Variants in SFT2D2 observed in about 807,000 individuals in gnomAD.
SFT2D2 encodes the protein SFT2 domain containing 2, also known as vesicle transport protein SFT2B.
Under a neutral mutation model 27.4 loss-of-function variants are expected in SFT2D2, and 21 were observed. The observed-to-expected ratio is 0.77, with a 90% CI of 0.54 to 1.10. SFT2D2 has a LOEUF of 1.10. Among genes scored for constraint, SFT2D2 ranks in the 50% least tolerant of loss-of-function variants. SFT2D2 has a pLI of 0.00. For synonymous variants in SFT2D2, 72 were observed against 71.7 expected (o/e 1.00, Z -0.02); for missense variants, 187 against 194.2 (o/e 0.96, Z 0.22).
chr1:168,237,069 A>G lies in SFT2D2; in HGVS notation c.413+299A>G, dbSNP rs187800838. Among the ~76,000 whole-genome samples the G allele has an allele frequency of 5.9e-5, 9 of 152,328 alleles. No homozygotes were observed. The East Asian group carries it at 1.7e-3, about 29-fold the overall frequency. On this transcript the variant is annotated intron_variant, in intron 6 of 7. Coordinates refer to ENST00000271375, the MANE Select transcript of SFT2D2 (RefSeq NM_199344.3). ...GAGATGTTACAAATATTATTAAGCC[A>G]CTCATGTCCGGTAAGTGCAAGGACA...
intron 1 of SFT2D2, among the ~76,000 whole-genome samples, chr1:168,226,660 C>T (rs1326930706): frequency 1.3e-5 from 2 of 152,118 alleles, no homozygotes; most frequent in Non-Finnish European, 2.9e-5. Flanking sequence ...CCCACCCGCC[C>T]CTGTACACAT....
chr1:168,226,253 T>C, intron 1 of SFT2D2, 111 bp downstream of exon 1: 4 of 908,806 alleles, frequency 4.4e-6, no homozygotes, highest in Non-Finnish European at 6.4e-6. Flanking sequence ...ACGGTAGCTC[T>C]GCCCCTTCTC....
intron 3 of SFT2D2, among the ~76,000 whole-genome samples, chr1:168,232,659 G>T (rs1355490224): frequency 6.6e-6 from 1 of 152,020 alleles, no homozygotes; most frequent in Non-Finnish European, 1.5e-5. Flanking sequence ...CTTCCTCTTT[G>T]TCCCCATGGC....
intron 6 of SFT2D2, among the ~76,000 whole-genome samples, chr1:168,238,668 C>T (rs887128259): frequency 1.3e-5 from 2 of 151,346 alleles, no homozygotes; most frequent in African/African-American, 2.4e-5. Context: ...TATATTCCAG[C>T]AGCCTAGGTG....
At chr1:168,226,192 C>T (rs1700456935) in intron 1 of SFT2D2, 50 bp downstream of exon 1, 25 of 1,491,956 alleles carry the variant, frequency 1.7e-5, no homozygotes, top group East Asian at 2.7e-5. Context: ...TCCCGCCCTG[C>T]GTCCCCTGCC....
chr1:168,232,845 G>A (rs546985288), intron 3 of SFT2D2, among the ~76,000 whole-genome samples: 2 of 152,302 alleles, frequency 1.3e-5, no homozygotes, highest in East Asian at 1.9e-4. Flanking sequence ...CAGCCGACAC[G>A]ACCTGAGTCA....
chr1:168,236,546 G>T, intron 4 of SFT2D2, 43 bp from the exon 5 acceptor site: 2 of 1,564,760 alleles, frequency 1.3e-6, no homozygotes, highest in Admixed American at 1.8e-5. Context: ...TTTTTTTCCT[G>T]CCATGTTATT....
chr1:168,227,665 C>G (rs886697964), intron 1 of SFT2D2, among the ~76,000 whole-genome samples: 2 of 151,992 alleles, frequency 1.3e-5, no homozygotes, highest in African/African-American at 4.8e-5. Context: ...TTATGAATCT[C>G]AAGTGGAACC....
intron 3 of SFT2D2, among the ~76,000 whole-genome samples, chr1:168,233,960 G>A (rs1166981114): frequency 6.6e-6 from 1 of 152,194 alleles, no homozygotes; most frequent in Non-Finnish European, 1.5e-5. Context: ...TGAGAGTGAA[G>A]CCTTGCAACT....
rs1647512486 is a variant in SFT2D2 at position 168,236,697 on chromosome 1, T to C, written c.355-15T>C. 6 of 1,613,944 alleles carry C rather than the reference T, an allele frequency of 3.7e-6. No individual in the cohort carries two copies. Among genetic ancestry groups the C allele is most frequent in the Non-Finnish European group, 5.1e-6 (6 of 1,180,006 alleles). ...TGTCTCACACTCTCCTATAACCATA[T>C]TATTATTTTTCCAGTGGCATAACAA... On this transcript the variant is annotated splice_polypyrimidine_tract_variant and intron_variant, in intron 5 of 7. Coordinates refer to ENST00000271375, the MANE Select transcript of SFT2D2 (RefSeq NM_199344.3).
At chr1:168,231,647 C>T (rs1647316908) in intron 2 of SFT2D2, 47 bp downstream of exon 2, 2 of 1,570,526 alleles carry the variant, frequency 1.3e-6, no homozygotes, top group Admixed American at 3.3e-5. Context: ...CCTGTCTTTG[C>T]TATATATTCC....
At position 168,239,054 on chromosome 1, in the gene SFT2D2, G is replaced by A. The variant is rs1647579499; in HGVS notation, c.414-77G>A. The A allele has an allele frequency of 1.2e-5, 13 of 1,105,284 alleles. No homozygotes were observed. The South Asian group carries it at 1.6e-4, about 14-fold the overall frequency. The allele number at this position is 1,105,284 out of a possible 1,614,324, so 68.5% of individuals were successfully genotyped here. A position where few individuals can be genotyped will look rare whatever the true frequency, so the allele number is the denominator to read the frequency against. ...ATAGATCACTGCAGGTATTCTTACA[G>A]CTCAGAAGCCCATTCTGCTGGATAA... is the stretch of plus-strand genomic sequence containing the variant. On this transcript the variant is annotated intron_variant, in intron 6 of 7. Coordinates refer to ENST00000271375, the MANE Select transcript of SFT2D2 (RefSeq NM_199344.3).
chr1:168,231,133 G>T (rs1034079003), intron 1 of SFT2D2, among the ~76,000 whole-genome samples: 18 of 152,162 alleles, frequency 1.2e-4, no homozygotes, highest in African/African-American at 4.3e-4. Flanking sequence ...AGGTGGACTT[G>T]TGAGTCCCTG....
Position 168,246,688 on chromosome 1 carries a change from A to G in SFT2D2, c.*4148A>G, listed in dbSNP as rs768595608. 8.9e-7 allele frequency: 1 copy of G among 1,119,892 alleles called. No individual in the cohort carries two copies. 69.4% of individuals were successfully genotyped at this position (1,119,892 alleles called of 1,614,324 possible). On this transcript the variant is annotated 3_prime_UTR_variant, in exon 8 of 8. Transcript: ENST00000271375. ...ATCATGATCATGTAGAGCAACATTC[A>G]GTCTACGATGGTATGATTCCATTTC...
At position 168,231,615 on chromosome 1, in the gene SFT2D2, C is replaced by T; in HGVS notation, c.150+15C>T. 1.9e-6 allele frequency: 3 copies of T among 1,610,402 alleles called. No homozygotes were observed. Among genetic ancestry groups the T allele is most frequent in the Non-Finnish European group, 2.5e-6 (3 of 1,176,888 alleles). On this transcript the variant is annotated intron_variant, in intron 2 of 7. Transcript: ENST00000271375. ...GCTCACTGCTGGTAAGATTTCCCTT[C>T]CTCCTCTGTCTTTTCCTTCTACCTG...
Position 168,249,891 on chromosome 1 carries a change from GTGAAT to G in SFT2D2, c.*7352_*7356del, listed in dbSNP as rs1647911750. The stretch of plus-strand genomic sequence containing the variant: ...TAACTGACAACTTTGGAAGATGAGA[GTGAAT>G]GTCTCCGATCATTAATTTATTTAAC... On this transcript the variant is annotated 3_prime_UTR_variant, in exon 8 of 8. Coordinates refer to ENST00000271375, the MANE Select transcript of SFT2D2 (RefSeq NM_199344.3). 1.3e-5 allele frequency: 2 copies of G among 152,194 alleles called. No homozygotes were observed. The highest frequency in any genetic ancestry group is 2.9e-5 in the Non-Finnish European group (2 of 68,042). The allele number at this position is 152,194 out of a possible 1,614,324, so 9.4% of individuals were successfully genotyped here.
At chr1:168,227,747 A>G (rs1309354679) in intron 1 of SFT2D2, among the ~76,000 whole-genome samples, 3 of 152,060 alleles carry the variant, frequency 2.0e-5, no homozygotes, top group Admixed American at 6.6e-5. Context: ...ATTTCCATAG[A>G]CTGTCAACAA....
At chr1:168,238,816 T>C (rs1047147684) in intron 6 of SFT2D2, among the ~76,000 whole-genome samples, 2 of 152,198 alleles carry the variant, frequency 1.3e-5, no homozygotes, top group African/African-American at 4.8e-5. Context: ...AATCTGACTG[T>C]TTAAGGTGAT....
At chr1:168,234,534 T>A (rs1647434065) in intron 3 of SFT2D2, among the ~76,000 whole-genome samples, 1 of 152,144 alleles carries the variant, frequency 6.6e-6, no homozygotes, top group African/African-American at 2.4e-5. Flanking sequence ...CTCACAAAGT[T>A]GTTGAGGAGA....
Sources: gnomAD v4.1 joint callset for allele counts (sites outside exome capture counted in the v4.1 genomes callset) on GRCh38, gnomAD v4.1.1 for gene constraint, MANE v1.5 for transcripts, NCBI Gene and HGNC (gene_info 2026-07-23, HGNC 2026-07-21) for gene names.